Variants in DDX59 observed in about 807,000 individuals in gnomAD.
DDX59 encodes probable ATP-dependent RNA helicase DDX59.
In DDX59, 30 loss-of-function variants were observed where a neutral mutation model predicts 51.9. The observed-to-expected ratio is 0.58, with a 90% confidence interval of 0.43 to 0.78. The LOEUF (loss-of-function observed/expected upper bound fraction) is 0.78, where lower values mean the gene tolerates loss of function less well. Ranked by LOEUF, DDX59 falls within the 30% of genes least tolerant of loss-of-function variation. The probability of loss-of-function intolerance (pLI) is 0.00; values close to 1 mark genes in which losing one functional copy is unlikely to be tolerated. For synonymous variants in DDX59, 255 were observed against 253.3 expected (o/e 1.01, Z -0.06); for missense variants, 672 against 730.8 (o/e 0.92, Z 0.93).
At chr1:200,659,005 T>C (rs772426748) in intron 4 of DDX59, 22 bp downstream of exon 4, 1 of 1,565,928 alleles carries the variant, frequency 6.4e-7, no homozygotes, top group Admixed American at 1.8e-5. Flanking sequence ...CATGTAACTG[T>C]TTTTTAAATA....
In DDX59 at chr1:200,648,497, C is replaced by G. The variant is rs142176836; in HGVS notation, c.1538G>C (p.Ser513Thr). Residue 513 changes from serine to threonine, a missense_variant, in exon 7 of 8, where the codon AGT becomes ACT. Transcript: ENST00000331314. ...ATCAAAATTGACAACCAGCCTGACACTGATCAAGTCTAGGCCTCGTCCCAA... is the reference window on the plus strand; with the variant it reads ...ATCAAAATTGACAACCAGCCTGACAGTGATCAAGTCTAGGCCTCGTCCCAA... ...GVLGRGLDLI[S>T]VRLVVNFDMP... The G allele has an allele frequency of 2.5e-6, 4 of 1,614,056 alleles. No individual in the cohort carries two copies. Among genetic ancestry groups the G allele is most frequent in the East Asian group, 2.2e-5 (1 of 44,898 alleles).
chr1:200,669,582 G>A (rs1191010105), intron 1 of DDX59, 185 bp downstream of exon 1: 1 of 152,344 alleles, frequency 6.6e-6, no homozygotes, highest in Non-Finnish European at 1.5e-5. Context: ...GGCGCTTCAC[G>A]TCACGGAGCT....
chr1:200,656,718 T>A (rs537085841), intron 4 of DDX59, among the ~76,000 whole-genome samples: 39 of 152,294 alleles, frequency 2.6e-4, no homozygotes, highest in South Asian at 1.5e-3. Flanking sequence ...AAGTGTCCCA[T>A]GAAGCCTTGT....
At chr1:200,663,790 G>T in intron 3 of DDX59, 129 bp downstream of exon 3, 2 of 959,926 alleles carry the variant, frequency 2.1e-6, no homozygotes, top group Non-Finnish European at 2.8e-6. Context: ...AAAACCTAAG[G>T]CTTACTTGGT....
chr1:200,643,164 T>C (rs964377612), downstream of DDX59, among the ~76,000 whole-genome samples: 1 of 150,990 alleles, frequency 6.6e-6, no homozygotes, highest in African/African-American at 2.4e-5. Context: ...ACAACGCCTG[T>C]GGTCCCAGCT....
chr1:200,658,250 T>C (rs1221778908), intron 4 of DDX59, among the ~76,000 whole-genome samples: 1 of 152,240 alleles, frequency 6.6e-6, no homozygotes, highest in Admixed American at 6.5e-5. Flanking sequence ...TGGCACATGG[T>C]CCTATGTTCC....
chr1:200,658,758 T>TA (rs959749323), intron 4 of DDX59, among the ~76,000 whole-genome samples: 22 of 151,178 alleles, frequency 1.5e-4, no homozygotes, highest in African/African-American at 2.2e-4. Flanking sequence ...ATCAAATGCT[T>TA]AAAAAAAAAC....
downstream of DDX59, chr1:200,641,398 A>AAT: frequency 2.6e-3 from 1 of 384 alleles, no homozygotes; most frequent in South Asian, 0.12. Flanking sequence ...CAAAAAAACT[A>AAT]AAAAAAAAAA....
intron 1 of DDX59, among the ~76,000 whole-genome samples, chr1:200,668,055 T>C (rs943174774): frequency 6.6e-6 from 1 of 152,018 alleles, no homozygotes; most frequent in Non-Finnish European, 1.5e-5. Context: ...TCCTAGCACT[T>C]TGGGAGGCCG....
intron 3 of DDX59, among the ~76,000 whole-genome samples, chr1:200,660,981 T>C (rs892046056): frequency 6.6e-6 from 1 of 152,216 alleles, no homozygotes; most frequent in Non-Finnish European, 1.5e-5. Flanking sequence ...GATAGTCCAA[T>C]AGCAATCAAC....
rs59213524 is a variant in DDX59 at position 200,663,767 on chromosome 1, TAA to T, written c.972+150_972+151del. On this transcript the variant is annotated intron_variant, in intron 3 of 7. Coordinates refer to ENST00000331314, the MANE Select transcript of DDX59 (RefSeq NM_001031725.6). ...CTTTCCCTTCCTATATAAAACAAACTAAAAAAAAAAAAAAAACCTAAGGCTTA... is the reference window on the plus strand; with the variant it reads ...CTTTCCCTTCCTATATAAAACAAACTAAAAAAAAAAAAAACCTAAGGCTTA... 53,889 of 582,804 alleles carry T rather than the reference TAA, an allele frequency of 0.092. 1,988 individuals carry two copies. Among genetic ancestry groups the T allele is most frequent in the East Asian group, 0.33 (8,527 of 25,676 alleles). The allele number at this position is 582,804 out of a possible 1,614,324, so 36.1% of individuals were successfully genotyped here.
downstream of DDX59, chr1:200,641,208 A>G: frequency 7.7e-7 from 1 of 1,304,840 alleles, no homozygotes; most frequent in South Asian, 1.2e-5. Context: ...GCAATAAGAG[A>G]TGCGTTGATA....
chr1:200,666,294 G>A lies in DDX59; in HGVS notation c.447C>T (p.Ser149=), dbSNP rs140185096. The stretch of plus-strand genomic sequence containing the variant: ...GCTCAGAATCAGCCTTCTGTGGATT[G>A]CTGAGTTTTGATTTCTCTTCCTTTT... ...VKEKEEKSKL[S]NPQKADSEPE... is the part of the protein sequence containing the mutation. Residue 149 remains serine, a synonymous_variant, in exon 2 of 8, where the codon AGC becomes AGT. Coordinates refer to ENST00000331314, the MANE Select transcript of DDX59 (RefSeq NM_001031725.6). 6.2e-6 allele frequency: 10 copies of A among 1,614,102 alleles called. No homozygotes were observed. In the African/African-American group the frequency reaches 1.3e-4, roughly 22 times the overall value.
chr1:200,665,905 T>C, intron 2 of DDX59, 32 bp downstream of exon 2: 2 of 1,531,778 alleles, frequency 1.3e-6, no homozygotes, highest in South Asian at 1.3e-5. Context: ...TTTCCAAGAA[T>C]AATACATGTG....
intron 7 of DDX59, 117 bp from the exon 8 acceptor site, chr1:200,644,634 G>T: frequency 7.9e-7 from 1 of 1,260,406 alleles, no homozygotes; most frequent in Non-Finnish European, 1.0e-6. Flanking sequence ...AGTGGCTCAC[G>T]CCTGTAACCC....
intron 1 of DDX59, 75 bp from the exon 2 acceptor site, chr1:200,666,826 G>A: frequency 1.4e-6 from 2 of 1,459,158 alleles, no homozygotes; most frequent in Non-Finnish European, 1.8e-6. Context: ...TATGATTAAG[G>A]ACAAGGTGCG....
At chr1:200,657,705 C>T (rs965234726) in intron 4 of DDX59, among the ~76,000 whole-genome samples, 21 of 150,406 alleles carry the variant, frequency 1.4e-4, no homozygotes, top group Admixed American at 3.3e-4. Context: ...GCCGAGATCA[C>T]GCCACTGCAC....
chr1:200,664,895 G>A (rs1662617585), intron 2 of DDX59, among the ~76,000 whole-genome samples: 1 of 152,098 alleles, frequency 6.6e-6, no homozygotes, highest in Non-Finnish European at 1.5e-5. Context: ...GGCCGGTCTT[G>A]AACTCTAGAT....
At chr1:200,650,762 T>A in intron 4 of DDX59, 86 bp from the exon 5 acceptor site, 6 of 1,199,602 alleles carry the variant, frequency 5.0e-6, no homozygotes, top group Non-Finnish European at 6.7e-6. Flanking sequence ...ATTAACAATA[T>A]AAAAATTAAA....
Sources: allele counts gnomAD v4.1 joint callset (sites outside exome capture counted in the v4.1 genomes callset), GRCh38; gene constraint gnomAD v4.1.1; transcripts MANE v1.5; gene names NCBI Gene and HGNC (gene_info 2026-07-23, HGNC 2026-07-21).